The following GABRB2 variants were observed in gnomAD, a reference collection of about 807,000 sequenced individuals.
The protein encoded by GABRB2 is gamma-aminobutyric acid receptor subunit beta-2.
A neutral mutation model predicts 54.7 loss-of-function variants in GABRB2; 16 were observed. That is an observed-to-expected ratio of 0.29 (90% CI 0.20 to 0.44). The LOEUF is 0.44. Ranked by LOEUF, GABRB2 falls within the 20% of genes least tolerant of loss-of-function variation. The pLI is 1.00. For synonymous variants in GABRB2, 244 were observed against 233.8 expected (o/e 1.04, Z -0.40); for missense variants, 355 against 644.0 (o/e 0.55, Z 4.86).
At chr5:161,302,938 T>C (rs1005079340) in intron 9 of GABRB2, among the ~76,000 whole-genome samples, 3 of 152,190 alleles carry the variant, frequency 2.0e-5, no homozygotes, top group Non-Finnish European at 4.4e-5. Flanking sequence ...AATTGGGAGT[T>C]TGGAACTGGA....
chr5:161,393,299 T>TTA (rs1755888496), intron 5 of GABRB2, among the ~76,000 whole-genome samples: 3 of 40,248 alleles, frequency 7.5e-5, no homozygotes, highest in Non-Finnish European at 1.4e-4. Context: ...TTTAAAAATG[T>TTA]AAAAAAAAAA....
At chr5:161,536,207 T>C (rs1760629245) in intron 3 of GABRB2, among the ~76,000 whole-genome samples, 2 of 152,154 alleles carry the variant, frequency 1.3e-5, no homozygotes, top group Non-Finnish European at 2.9e-5. Context: ...TATATTCATG[T>C]TATGATGATG....
chr5:161,345,124 A>G (rs1446927721), intron 5 of GABRB2, among the ~76,000 whole-genome samples: 1 of 152,068 alleles, frequency 6.6e-6, no homozygotes, highest in Non-Finnish European at 1.5e-5. Context: ...GCAAACCACC[A>G]TGGCACGTGT....
intron 8 of GABRB2, chr5:161,330,639 C>T: frequency 2.0e-6 from 1 of 489,534 alleles, no homozygotes; most frequent in African/African-American, 1.9e-5. Context: ...TGTGAGAAAG[C>T]ATCATAAAGG....
At chr5:161,427,609 A>C (rs200556346) in intron 4 of GABRB2, among the ~76,000 whole-genome samples, 2 of 104,856 alleles carry the variant, frequency 1.9e-5, no homozygotes, top group Non-Finnish European at 3.5e-5. Context: ...CAACTTTGTT[A>C]ATTTGGGTTG....
rs191407689 is a variant in GABRB2, at chr5:161,545,846, A to C, written c.169+476T>G. Among the ~76,000 whole-genome samples the C allele has an allele frequency of 5.0e-3, 767 of 152,080 alleles. 14 individuals are homozygous for C. The highest frequency in any genetic ancestry group is 0.018 in the African/African-American group (736 of 41,468). On this transcript the variant is annotated intron_variant, in intron 2 of 9. Coordinates refer to ENST00000393959, the MANE Select transcript of GABRB2 (RefSeq NM_001371727.1). ...TCCCCATTTCTGTGAGGCTGGGAGGAGTGGATTATATCCAGACATGAGCCA... is the reference window on the plus strand; with the variant it reads ...TCCCCATTTCTGTGAGGCTGGGAGGCGTGGATTATATCCAGACATGAGCCA...
chr5:161,483,387 T>C (rs902377440), intron 3 of GABRB2, among the ~76,000 whole-genome samples: 1 of 151,964 alleles, frequency 6.6e-6, no homozygotes, highest in Non-Finnish European at 1.5e-5. Flanking sequence ...CAAAAAATAA[T>C]TCTGAATGAA....
intron 3 of GABRB2, among the ~76,000 whole-genome samples, chr5:161,543,014 G>GA (rs1311023626): frequency 1.3e-5 from 2 of 152,176 alleles, no homozygotes; most frequent in African/African-American, 4.8e-5. Flanking sequence ...GTTGGAAGCT[G>GA]AAAAAAATGT....
chr5:161,465,037 G>C (rs956092653), intron 3 of GABRB2, among the ~76,000 whole-genome samples: 9 of 151,972 alleles, frequency 5.9e-5, no homozygotes, highest in Non-Finnish European at 1.2e-4. Context: ...GCATTTTTCT[G>C]TATGCAAATA....
chr5:161,394,105 A>G (rs1018816626), intron 5 of GABRB2, among the ~76,000 whole-genome samples: 10 of 152,098 alleles, frequency 6.6e-5, no homozygotes, highest in African/African-American at 1.9e-4. Flanking sequence ...AAAACAATAC[A>G]TTTCCAAATA....
At chr5:161,505,109 C>CTTTTT (rs34388314) in intron 3 of GABRB2, among the ~76,000 whole-genome samples, 14 of 135,536 alleles carry the variant, frequency 1.0e-4, no homozygotes, top group Non-Finnish European at 1.8e-4. Context: ...TTTTCCTTTT[C>CTTTTT]TTTTTTTTTT....
intron 3 of GABRB2, among the ~76,000 whole-genome samples, chr5:161,521,579 A>G (rs1760116810): frequency 1.3e-5 from 2 of 151,992 alleles, no homozygotes; most frequent in African/African-American, 4.8e-5. Flanking sequence ...GGAAAATCAA[A>G]TGATGTGGAT....
intron 4 of GABRB2, among the ~76,000 whole-genome samples, chr5:161,447,334 G>A (rs1757663668): frequency 6.6e-6 from 1 of 152,090 alleles, no homozygotes. Flanking sequence ...ATGCACAGAT[G>A]CCTCCTAGTA....
At chr5:161,412,174 G>A (rs1756532798) in intron 4 of GABRB2, among the ~76,000 whole-genome samples, 1 of 152,120 alleles carries the variant, frequency 6.6e-6, no homozygotes, top group Admixed American at 6.5e-5. Context: ...CCGTAACCCA[G>A]GTAGACTGAG....
intron 5 of GABRB2, among the ~76,000 whole-genome samples, chr5:161,338,804 A>G (rs1754070832): frequency 6.6e-6 from 1 of 152,062 alleles, no homozygotes; most frequent in African/African-American, 2.4e-5. Context: ...ATATAAATAA[A>G]TACATAAAAG....
chr5:161,380,411 C>T (rs897382777), intron 5 of GABRB2, among the ~76,000 whole-genome samples: 2 of 152,104 alleles, frequency 1.3e-5, no homozygotes, highest in African/African-American at 2.4e-5. Context: ...ATGGACTTTA[C>T]AATTTTCTTT....
rs761244163 is a variant in GABRB2, at chr5:161,290,912, A to G, written c.*3169T>C. On this transcript the variant is annotated 3_prime_UTR_variant, in exon 10 of 10. Coordinates refer to ENST00000393959, the MANE Select transcript of GABRB2 (RefSeq NM_001371727.1). The stretch of plus-strand genomic sequence containing the variant: ...GTGTGTGTTCCTAATGCTAGAATGT[A>G]AAGTCTTTTGGTTCATAAACCATTT... The G allele has an allele frequency of 6.6e-5, 10 of 152,568 alleles. No individual in the cohort carries two copies. Among genetic ancestry groups the G allele is most frequent in the Non-Finnish European group, 1.2e-4 (8 of 68,014 alleles). The allele number at this position is 152,568 out of a possible 1,614,324, so 9.5% of individuals were successfully genotyped here.
rs1757224346 is a variant in GABRB2 at position 161,291,050 on chromosome 5, T to C, written c.*3031A>G. 2 of 152,560 alleles carry C rather than the reference T, an allele frequency of 1.3e-5. No individual in the cohort carries two copies. Among genetic ancestry groups the C allele is most frequent in the Non-Finnish European group, 2.9e-5 (2 of 67,998 alleles). 9.5% of individuals were successfully genotyped at this position (152,560 alleles called of 1,614,324 possible). On this transcript the variant is annotated 3_prime_UTR_variant, in exon 10 of 10. Coordinates refer to ENST00000393959, the MANE Select transcript of GABRB2 (RefSeq NM_001371727.1). ...TAATAAATTGTAGTAGAAAGAATTTTAACATTCCTTATGCAAACACATGAT... is the reference window on the plus strand; with the variant it reads ...TAATAAATTGTAGTAGAAAGAATTTCAACATTCCTTATGCAAACACATGAT...
At chr5:161,358,941 T>C (rs1460400318) in intron 5 of GABRB2, among the ~76,000 whole-genome samples, 1 of 152,228 alleles carries the variant, frequency 6.6e-6, no homozygotes, top group African/African-American at 2.4e-5. Flanking sequence ...CACTGTCCTT[T>C]ACTTTAGTGA....
Sources: gnomAD v4.1 joint callset for allele counts (sites outside exome capture counted in the v4.1 genomes callset) on GRCh38, gnomAD v4.1.1 for gene constraint, MANE v1.5 for transcripts, NCBI Gene and HGNC (gene_info 2026-07-23, HGNC 2026-07-21) for gene names.